Variants in MFGE8 observed in about 807,000 individuals in gnomAD.
MFGE8 encodes the protein lactadherin.
MFGE8 carries 34 observed loss-of-function variants against 42.6 expected under a neutral mutation model. The observed-to-expected ratio is 0.80, with a 90% confidence interval of 0.61 to 1.06. The LOEUF is 1.06. Among genes scored for constraint, MFGE8 ranks in the 50% least tolerant of loss-of-function variants. MFGE8 has a pLI of 0.00. For synonymous variants in MFGE8, 230 were observed against 214.8 expected, an observed-to-expected ratio of 1.07 and a Z score of -0.62; for missense variants, 510 against 516.9, an observed-to-expected ratio of 0.99 and a Z score of 0.13.
In MFGE8 at chr15:88,899,074, G is replaced by A. The variant is rs893735527; in HGVS notation, c.*321C>T. ...GACAGAGACACACGCACCTGGGATC[G>A]GCGGTCCGGACAGGGGCAGGGAAAC... On this transcript the variant is annotated 3_prime_UTR_variant, in exon 8 of 8. Transcript: ENST00000268150. The surrounding 1 kb of genome is among the most constrained non-coding windows in gnomAD (Gnocchi z 6.8). 9.3e-6 allele frequency: 4 copies of A among 431,444 alleles called. No individual in the cohort carries two copies. The highest frequency in any genetic ancestry group is 6.9e-4 in the Middle Eastern group (1 of 1,452). The allele number at this position is 431,444 out of a possible 1,614,324, so 26.7% of individuals were successfully genotyped here. A position where few individuals can be genotyped will look rare whatever the true frequency, so the allele number is the denominator to read the frequency against.
intron 2 of MFGE8, 152 bp downstream of exon 2, chr15:88,909,640 C>T (rs1229280229): frequency 2.7e-6 from 3 of 1,116,214 alleles, no homozygotes; most frequent in African/African-American, 3.1e-5. Context: ...GGCTCTGTCT[C>T]TCTCTCTGAG....
rs1207550801 is a variant in MFGE8, at chr15:88,902,057, G to A, written c.686-322C>T. The stretch of plus-strand genomic sequence containing the variant: ...CCCTCCTTCAATGCCTGACTTTGGA[G>A]ACACCTCCTCCAAGAAGTCTGCCCT... On this transcript the variant is annotated intron_variant, in intron 5 of 7. Transcript: ENST00000268150. The surrounding 1 kb of genome is among the most constrained non-coding windows in gnomAD (Gnocchi z 4.3). 11 of 391,930 alleles carry A rather than the reference G, an allele frequency of 2.8e-5. No homozygotes were observed. Among genetic ancestry groups the A allele is most frequent in the Non-Finnish European group, 4.9e-5 (10 of 204,596 alleles). 24.3% of individuals were successfully genotyped at this position (391,930 alleles called of 1,614,324 possible).
chr15:88,912,601 G>A, intron 1 of MFGE8: 2 of 985,364 alleles, frequency 2.0e-6, no homozygotes, highest in Admixed American at 6.1e-5. Context: ...AGGAGGACCG[G>A]GGAAGATACA....
chr15:88,910,055 T>TC, intron 1 of MFGE8, 132 bp from the exon 2 acceptor site: 2 of 1,166,768 alleles, frequency 1.7e-6, no homozygotes, highest in Non-Finnish European at 2.5e-6. Flanking sequence ...CTCTCCCTCT[T>TC]CCCCCGTGTG....
intron 1 of MFGE8, chr15:88,913,042 C>A (rs1252988733): frequency 1.0e-6 from 1 of 985,218 alleles, no homozygotes; most frequent in Non-Finnish European, 1.2e-6. Context: ...CGAGTCCCAG[C>A]CCAAAAGCCC....
intron 6 of MFGE8, 33 bp downstream of exon 6, chr15:88,901,518 C>G (rs754525527): frequency 4.5e-6 from 4 of 887,682 alleles, no homozygotes; most frequent in South Asian, 3.9e-5. Flanking sequence ...TCCCACCCAA[C>G]CCCAGCCCCA....
chr15:88,906,096 C>T lies in MFGE8; in HGVS notation c.541-195G>A. On this transcript the variant is annotated intron_variant, in intron 4 of 7. Coordinates refer to ENST00000268150, the MANE Select transcript of MFGE8 (RefSeq NM_005928.4). This position sits in a 1 kb window ranked among gnomAD's most constrained non-coding sequence, Gnocchi z 4.2. ...CCCACGGCCCTCCACAAAGATTCTC[C>T]TCTCACTTTCCTTAATCATCATGGA... 1.6e-6 allele frequency: 1 copy of T among 642,486 alleles called. No homozygotes were observed. 39.8% of individuals were successfully genotyped at this position (642,486 alleles called of 1,614,324 possible).
chr15:88,906,534 G>T lies in MFGE8; in HGVS notation c.540+92C>A, dbSNP rs554741848. On this transcript the variant is annotated intron_variant, in intron 4 of 7. Coordinates refer to ENST00000268150, the MANE Select transcript of MFGE8 (RefSeq NM_005928.4). The surrounding 1 kb of genome is among the most constrained non-coding windows in gnomAD (Gnocchi z 4.2). ...ACCCACATCATAGCCAATCACCTAG[G>T]GTTCTCTGGACTCGCTGGGGGTCCT... 2.7e-5 allele frequency: 40 copies of T among 1,464,640 alleles called. 1 individual carries two copies. The highest frequency in any genetic ancestry group is 3.4e-5 in the Non-Finnish European group (36 of 1,045,398). The allele number at this position is 1,464,640 out of a possible 1,614,324, so 90.7% of individuals were successfully genotyped here.
rs2141707549 is a variant in MFGE8 at position 88,905,508 on chromosome 15, C to T, written c.685+249G>A. 1 of 670,714 alleles carries T rather than the reference C, an allele frequency of 1.5e-6. No homozygotes were observed. The highest frequency in any genetic ancestry group is 2.9e-5 in the East Asian group (1 of 34,120). 41.5% of individuals were successfully genotyped at this position (670,714 alleles called of 1,614,324 possible). A position where few individuals can be genotyped will look rare whatever the true frequency, so the allele number is the denominator to read the frequency against. Reference sequence around the variant, plus strand: ...GAGCCAACCAGAAGAAGGGAAAATACTTTGAAAACTGATGTCTTTTTCTCT... The same window carrying T: ...GAGCCAACCAGAAGAAGGGAAAATATTTTGAAAACTGATGTCTTTTTCTCT... On this transcript the variant is annotated intron_variant, in intron 5 of 7. Coordinates refer to ENST00000268150, the MANE Select transcript of MFGE8 (RefSeq NM_005928.4). The surrounding 1 kb of genome is among the most constrained non-coding windows in gnomAD (Gnocchi z 6.6).
Position 88,899,197 on chromosome 15 carries a change from G to T in MFGE8, c.*198C>A. The T allele has an allele frequency of 1.5e-6, 1 of 689,132 alleles. No homozygotes were observed. The highest frequency in any genetic ancestry group is 2.5e-6 in the Non-Finnish European group (1 of 406,200). 42.7% of individuals were successfully genotyped at this position (689,132 alleles called of 1,614,324 possible). ...CAGTGAGGACTGGGGGTTAGGGGAC[G>T]GGGCTTAGGGGCTGGGGCAGGGCCC... is the stretch of plus-strand genomic sequence containing the variant. On this transcript the variant is annotated 3_prime_UTR_variant, in exon 8 of 8. Transcript: ENST00000268150. The surrounding 1 kb of genome is among the most constrained non-coding windows in gnomAD (Gnocchi z 6.8).
At chr15:88,907,453 A>G in intron 2 of MFGE8, 77 bp from the exon 3 acceptor site, 1 of 1,347,442 alleles carries the variant, frequency 7.4e-7, no homozygotes, top group Non-Finnish European at 1.1e-6. Context: ...CGGACAAGAA[A>G]ATAAGACTGT....
intron 2 of MFGE8, among the ~76,000 whole-genome samples, chr15:88,908,201 C>A (rs1400627680): frequency 1.3e-5 from 2 of 152,170 alleles, no homozygotes; most frequent in Non-Finnish European, 2.9e-5. Flanking sequence ...ATCCCCCCAG[C>A]GTGTGCCTGG....
At chr15:88,912,579 C>T (rs1034568566) in intron 1 of MFGE8, 2 of 985,228 alleles carry the variant, frequency 2.0e-6, no homozygotes, top group African/African-American at 3.5e-5. Flanking sequence ...CCGGAGGCCT[C>T]CTGGGAGGCG....
At chr15:88,900,175 G>A (rs1031930035) in intron 6 of MFGE8, among the ~76,000 whole-genome samples, 2 of 151,736 alleles carry the variant, frequency 1.3e-5, no homozygotes, top group Non-Finnish European at 2.9e-5. Flanking sequence ...CTGGGAGGCG[G>A]AGGTTGCGGT....
At chr15:88,907,636 G>A (rs1408730733) in intron 2 of MFGE8, among the ~76,000 whole-genome samples, 1 of 152,054 alleles carries the variant, frequency 6.6e-6, no homozygotes, top group Admixed American at 6.5e-5. Flanking sequence ...TGGGACCCAG[G>A]GCTGCCAGAG....
chr15:88,899,883 G>T lies in MFGE8; in HGVS notation c.871-72C>A. Reference sequence around the variant, plus strand: ...TAAGGTGAAAAGAGGCAGACACACTGAGGCATGAATTCTAGTTTTGAAAAA... The same window carrying T: ...TAAGGTGAAAAGAGGCAGACACACTTAGGCATGAATTCTAGTTTTGAAAAA... On this transcript the variant is annotated intron_variant, in intron 6 of 7. Coordinates refer to ENST00000268150, the MANE Select transcript of MFGE8 (RefSeq NM_005928.4). This position sits in a 1 kb window ranked among gnomAD's most constrained non-coding sequence, Gnocchi z 6.8. 1 of 1,576,148 alleles carries T rather than the reference G, an allele frequency of 6.3e-7. No individual in the cohort carries two copies. The highest frequency in any genetic ancestry group is 8.7e-7 in the Non-Finnish European group (1 of 1,149,118).
chr15:88,913,024 C>T, intron 1 of MFGE8: 1 of 985,384 alleles, frequency 1.0e-6, no homozygotes, highest in Non-Finnish European at 1.2e-6. Context: ...GGCTGTCACC[C>T]GATGTCCCGA....
intron 1 of MFGE8, among the ~76,000 whole-genome samples, chr15:88,911,322 G>A (rs1239874636): frequency 6.6e-6 from 1 of 152,178 alleles, no homozygotes; most frequent in Non-Finnish European, 1.5e-5. Flanking sequence ...CTTGACTCTG[G>A]TGGGTCGGCC....
intron 1 of MFGE8, chr15:88,912,922 T>C (rs1413049689): frequency 1.0e-6 from 1 of 985,178 alleles, no homozygotes. Flanking sequence ...CAAACGCAGT[T>C]CCCTGGCCTC....
Sources: allele counts gnomAD v4.1 joint callset (sites outside exome capture counted in the v4.1 genomes callset), GRCh38; gene constraint gnomAD v4.1.1; non-coding constraint Gnocchi (gnomAD v3.1); transcripts MANE v1.5; gene names NCBI Gene and HGNC (gene_info 2026-07-23, HGNC 2026-07-21).